CEP85L: variants seen among roughly 807,000 people sequenced by gnomAD.
CEP85L encodes the protein centrosomal protein 85L.
A neutral mutation model predicts 100.3 loss-of-function variants in CEP85L; 60 were observed. That is an observed-to-expected ratio of 0.60 (90% CI 0.49 to 0.74). CEP85L has a LOEUF of 0.74. CEP85L is among the 30% of genes least tolerant of loss of function. The probability of loss-of-function intolerance (pLI) is 0.00; values close to 1 mark genes in which losing one functional copy is unlikely to be tolerated. For synonymous variants in CEP85L, 319 were observed against 322.7 expected (o/e 0.99, Z 0.12); for missense variants, 973 against 936.2 (o/e 1.04, Z -0.51).
chr6:118,616,913 C>G (rs1020265865), intron 2 of CEP85L, among the ~76,000 whole-genome samples: 1 of 150,132 alleles, frequency 6.7e-6, no homozygotes, highest in African/African-American at 2.5e-5. Flanking sequence ...CCACTGCACT[C>G]CAGCCTGGGC....
intron 2 of CEP85L, among the ~76,000 whole-genome samples, chr6:118,615,590 A>AAGG (rs1772981257): frequency 2.0e-5 from 3 of 152,330 alleles, no homozygotes; most frequent in African/African-American, 7.2e-5. Flanking sequence ...TGGAATGTCC[A>AAGG]GCCTAGTAAG....
chr6:118,585,248 TG>T (rs942692579), intron 2 of CEP85L, among the ~76,000 whole-genome samples: 1 of 152,258 alleles, frequency 6.6e-6, no homozygotes. Context: ...TATGCTTTCC[TG>T]GTTCTCCATG....
chr6:118,601,793 T>C (rs908979302), intron 2 of CEP85L, among the ~76,000 whole-genome samples: 3 of 152,168 alleles, frequency 2.0e-5, no homozygotes, highest in African/African-American at 7.2e-5. Context: ...ATGACGCTGG[T>C]GGGAGTGTCG....
chr6:118,632,423 C>T, intron 2 of CEP85L, 30 bp downstream of exon 2: 1 of 1,539,900 alleles, frequency 6.5e-7, no homozygotes, highest in South Asian at 1.3e-5. Flanking sequence ...TTCAAAGATT[C>T]ATATATAAAC....
At chr6:118,520,124 A>G (rs1330887071) in intron 4 of CEP85L, among the ~76,000 whole-genome samples, 2 of 152,178 alleles carry the variant, frequency 1.3e-5, no homozygotes, top group Non-Finnish European at 2.9e-5. Context: ...ACTTTCACCT[A>G]AAACAAACTA....
chr6:118,539,378 C>T (rs960280154), intron 3 of CEP85L, among the ~76,000 whole-genome samples: 1 of 152,100 alleles, frequency 6.6e-6, no homozygotes, highest in Non-Finnish European at 1.5e-5. Context: ...TACCATATAG[C>T]CTAGGCGTGT....
chr6:118,698,552 G>A (rs1422368418), intron 1 of CEP85L, among the ~76,000 whole-genome samples: 9 of 139,954 alleles, frequency 6.4e-5, no homozygotes, highest in African/African-American at 1.5e-4. Flanking sequence ...AAAAAAAAAA[G>A]GATTGTCCAG....
At chr6:118,480,715 A>T (rs1449220880) in intron 8 of CEP85L, among the ~76,000 whole-genome samples, 14 of 152,310 alleles carry the variant, frequency 9.2e-5, no homozygotes. Context: ...GAGGCTGATC[A>T]TCTTTTCAGA....
At chr6:118,698,479 T>A (rs1017494680) in intron 1 of CEP85L, among the ~76,000 whole-genome samples, 1 of 151,994 alleles carries the variant, frequency 6.6e-6, no homozygotes, top group Non-Finnish European at 1.5e-5. Context: ...AAAATATAGT[T>A]CTGCTGTTTT....
chr6:118,664,961 A>G (rs1303384626), intron 1 of CEP85L, among the ~76,000 whole-genome samples: 3 of 152,224 alleles, frequency 2.0e-5, no homozygotes, highest in African/African-American at 7.2e-5. Flanking sequence ...GCATTCTCTA[A>G]GGCATGAACA....
At position 118,574,690 on chromosome 6, in the gene CEP85L, C is replaced by T. The variant is rs186254340; in HGVS notation, c.233-8374G>A. ...GAAAAAGCCTACAGTACAGATACCA[C>T]GGCGACAAGGTAACTCTGTGCACAG... On this transcript the variant is annotated intron_variant, in intron 2 of 12. Coordinates refer to ENST00000368491, the MANE Select transcript of CEP85L (RefSeq NM_001042475.3). Among the ~76,000 whole-genome samples, 847 of 152,284 alleles carry T rather than the reference C, an allele frequency of 5.6e-3. 8 individuals are homozygous for T. The highest frequency in any genetic ancestry group is 0.019 in the African/African-American group (804 of 41,550).
intron 1 of CEP85L, among the ~76,000 whole-genome samples, chr6:118,691,678 T>G (rs1777050621): frequency 6.9e-6 from 1 of 145,690 alleles, no homozygotes; most frequent in African/African-American, 2.6e-5. Context: ...GGCGGAGGTT[T>G]CAGTGAGACA....
intron 1 of CEP85L, among the ~76,000 whole-genome samples, chr6:118,673,298 T>C (rs1776375372): frequency 6.6e-6 from 1 of 152,254 alleles, no homozygotes; most frequent in African/African-American, 2.4e-5. Flanking sequence ...TTACATGTTT[T>C]AACTACCATT....
intron 1 of CEP85L, among the ~76,000 whole-genome samples, chr6:118,676,036 T>C (rs1277269352): frequency 2.0e-5 from 3 of 152,212 alleles, no homozygotes; most frequent in Non-Finnish European, 2.9e-5. Context: ...TTGATTGTAT[T>C]GTATTACTAT....
At chr6:118,575,971 C>T (rs538982013) in intron 2 of CEP85L, among the ~76,000 whole-genome samples, 7 of 152,284 alleles carry the variant, frequency 4.6e-5, no homozygotes, top group African/African-American at 1.7e-4. Context: ...GGTAGAAGCT[C>T]TCCCCTTCCC....
At position 118,708,702 on chromosome 6, in the gene CEP85L, T is replaced by A. The variant is rs141719071; in HGVS notation, c.-28+1334A>T. On this transcript the variant is annotated intron_variant, in intron 1 of 13. Transcript: ENST00000368488. ...AGCATATAAAAAGGTTTAGCTCAGA[T>A]AAACTTGAATTCAGTCAATAATCTC... Among the ~76,000 whole-genome samples, 546 of 152,288 alleles carry A rather than the reference T, an allele frequency of 3.6e-3. 4 individuals are homozygous for A. The highest frequency in any genetic ancestry group is 0.012 in the African/African-American group (479 of 41,552).
chr6:118,621,940 C>T (rs773213805), intron 2 of CEP85L, among the ~76,000 whole-genome samples: 2 of 152,114 alleles, frequency 1.3e-5, no homozygotes, highest in Non-Finnish European at 2.9e-5. Flanking sequence ...AAACAGCCTT[C>T]AAAACTTTAT....
At chr6:118,496,900 A>G (rs1412561464) in intron 5 of CEP85L, among the ~76,000 whole-genome samples, 1 of 152,228 alleles carries the variant, frequency 6.6e-6, no homozygotes, top group Non-Finnish European at 1.5e-5. Context: ...TTCAAAGCCA[A>G]ACTAGTATTA....
intron 2 of CEP85L, among the ~76,000 whole-genome samples, chr6:118,610,253 A>G (rs1411480634): frequency 3.3e-5 from 5 of 152,180 alleles, no homozygotes; most frequent in Non-Finnish European, 5.9e-5. Context: ...TAATAATACT[A>G]ATTTTATCTT....
Sources: gnomAD v4.1 joint callset for allele counts (sites outside exome capture counted in the v4.1 genomes callset) on GRCh38, gnomAD v4.1.1 for gene constraint, MANE v1.5 for transcripts, NCBI Gene and HGNC (gene_info 2026-07-23, HGNC 2026-07-21) for gene names.